ADRA1B: variants seen among roughly 807,000 people sequenced by gnomAD.
ADRA1B encodes the protein alpha-1B adrenergic receptor.
Under a neutral mutation model 17.9 loss-of-function variants are expected in ADRA1B, and 17 were observed. The observed-to-expected ratio is 0.95, with a 90% CI of 0.65 to 1.42. The LOEUF (loss-of-function observed/expected upper bound fraction) is 1.42, where lower values mean the gene tolerates loss of function less well. Among genes scored for constraint, ADRA1B ranks in the 40% most tolerant of loss-of-function variants. The pLI, the probability that ADRA1B is intolerant of heterozygous loss-of-function variation, is 0.00. For synonymous variants in ADRA1B, 366 were observed against 327.6 expected (o/e 1.12, Z -1.27); for missense variants, 681 against 722.1 (o/e 0.94, Z 0.65).
downstream of ADRA1B, among the ~76,000 whole-genome samples, chr5:159,976,020 A>G (rs1755968713): frequency 6.6e-6 from 1 of 152,244 alleles, no homozygotes; most frequent in African/African-American, 2.4e-5. Flanking sequence ...TCTGCCAGTT[A>G]GTAGCTGTGT....
At chr5:159,947,814 A>G (rs762431122) in intron 1 of ADRA1B, 9 of 985,428 alleles carry the variant, frequency 9.1e-6, no homozygotes, top group Non-Finnish European at 9.6e-6. Flanking sequence ...CGGGAGCTAC[A>G]TTGCATCACC....
At chr5:159,927,498 T>C (rs927944489) in intron 1 of ADRA1B, among the ~76,000 whole-genome samples, 1 of 152,070 alleles carries the variant, frequency 6.6e-6, no homozygotes, top group African/African-American at 2.4e-5. Flanking sequence ...ATTTCTTTAA[T>C]ATCAGATTAT....
chr5:159,899,198 G>C (rs1754068766), intron 1 of ADRA1B, among the ~76,000 whole-genome samples: 2 of 146,926 alleles, frequency 1.4e-5, no homozygotes, highest in Admixed American at 1.4e-4. Context: ...AGAAAAGAAA[G>C]AATGGAAGAA....
At chr5:159,913,493 G>A (rs1754247824), upstream of ADRA1B, among the ~76,000 whole-genome samples, 1 of 152,138 alleles carries the variant, frequency 6.6e-6, no homozygotes, top group African/African-American at 2.4e-5. Context: ...GAAACACACT[G>A]GTAAATGACA....
intron 1 of ADRA1B, among the ~76,000 whole-genome samples, chr5:159,938,419 G>A (rs1755014780): frequency 6.6e-6 from 1 of 152,194 alleles, no homozygotes; most frequent in Admixed American, 6.5e-5. Flanking sequence ...GAAGACCACT[G>A]GGGAGAGATT....
rs1755890497 is a variant in ADRA1B, at chr5:159,972,314, C to CCGGCCGCCG, written c.1394_1402dup (p.Arg465_Arg467dup). On this transcript the variant is annotated inframe_insertion, in exon 2 of 2. Coordinates refer to ENST00000306675, the MANE Select transcript of ADRA1B (RefSeq NM_000679.4). ...CTGAGCCTGCCCGCGCCTGAGCCCC[C>CCGGCCGCCG]CGGCCGCCGCGGCCGCCACGACTCG... 2 of 1,432,352 alleles carry CCGGCCGCCG rather than the reference C, an allele frequency of 1.4e-6. No homozygotes were observed. Among genetic ancestry groups the CCGGCCGCCG allele is most frequent in the Admixed American group, 2.7e-5 (1 of 36,916 alleles). 88.7% of individuals were successfully genotyped at this position (1,432,352 alleles called of 1,614,324 possible). A position where few individuals can be genotyped will look rare whatever the true frequency, so the allele number is the denominator to read the frequency against.
intron 1 of ADRA1B, among the ~76,000 whole-genome samples, chr5:159,957,960 A>G (rs1036191162): frequency 2.0e-5 from 3 of 150,398 alleles, no homozygotes; most frequent in Non-Finnish European, 3.0e-5. Context: ...AAAGAAAAGA[A>G]AAAAGAAAAG....
intron 1 of ADRA1B, among the ~76,000 whole-genome samples, chr5:159,893,682 T>A (rs1754010575): frequency 1.3e-5 from 2 of 152,212 alleles, no homozygotes; most frequent in African/African-American, 4.8e-5. Context: ...CAAGATGCTC[T>A]GTTATGCCAA....
At chr5:159,960,474 C>A (rs559373420) in intron 1 of ADRA1B, among the ~76,000 whole-genome samples, 1 of 152,306 alleles carries the variant, frequency 6.6e-6, no homozygotes, top group African/African-American at 2.4e-5. Context: ...AAGATACACA[C>A]AAAAATAGTT....
chr5:159,944,149 A>C (rs1041333508), intron 1 of ADRA1B, among the ~76,000 whole-genome samples: 10 of 152,160 alleles, frequency 6.6e-5, no homozygotes, highest in Non-Finnish European at 1.5e-4. Flanking sequence ...CCTTTCATGC[A>C]GAGTTTTTTT....
intron 1 of ADRA1B, chr5:159,937,501 A>G (rs1372373728): frequency 1.3e-5 from 2 of 150,682 alleles, no homozygotes; most frequent in African/African-American, 4.9e-5. Flanking sequence ...CTCAGGCTGG[A>G]GTGCAATGGT....
intron 1 of ADRA1B, among the ~76,000 whole-genome samples, chr5:159,935,809 A>G (rs1208286717): frequency 2.6e-5 from 4 of 152,202 alleles, no homozygotes; most frequent in African/African-American, 9.6e-5. Context: ...AGCCTCCCAC[A>G]GTGCTGGGAT....
chr5:159,952,864 C>A (rs1302508416), intron 1 of ADRA1B, among the ~76,000 whole-genome samples: 2 of 152,222 alleles, frequency 1.3e-5, no homozygotes, highest in Non-Finnish European at 2.9e-5. Flanking sequence ...ACATTCTCCA[C>A]CTTCTCTGTA....
chr5:159,956,042 A>G (rs1226555533), intron 1 of ADRA1B, among the ~76,000 whole-genome samples: 2 of 152,158 alleles, frequency 1.3e-5, no homozygotes, highest in Non-Finnish European at 2.9e-5. Flanking sequence ...CAAGGTTTTG[A>G]GACCAGCCTG....
At chr5:159,927,874 A>G (rs1754705356) in intron 1 of ADRA1B, among the ~76,000 whole-genome samples, 1 of 152,158 alleles carries the variant, frequency 6.6e-6, no homozygotes, top group African/African-American at 2.4e-5. Context: ...TGAGAGAGCA[A>G]AGCCATCATC....
intron 1 of ADRA1B, chr5:159,948,447 CA>C (rs1755335348): frequency 1.0e-6 from 1 of 985,176 alleles, no homozygotes; most frequent in Non-Finnish European, 1.2e-6. Flanking sequence ...AGAAATCAGT[CA>C]TCATGTTTTC....
chr5:159,927,997 C>T (rs1162920443), intron 1 of ADRA1B, among the ~76,000 whole-genome samples: 1 of 152,218 alleles, frequency 6.6e-6, no homozygotes, highest in South Asian at 2.1e-4. Context: ...TTACTTGCCG[C>T]GATGACATGA....
intron 1 of ADRA1B, among the ~76,000 whole-genome samples, chr5:159,923,576 A>C (rs552826642): frequency 6.6e-6 from 1 of 152,390 alleles, no homozygotes; most frequent in East Asian, 1.9e-4. Flanking sequence ...GCCTGAACAC[A>C]GCAAACAAGA....
chr5:159,899,140 C>G (rs1353002376), intron 1 of ADRA1B, among the ~76,000 whole-genome samples: 1 of 147,910 alleles, frequency 6.8e-6, no homozygotes, highest in African/African-American at 2.5e-5. Context: ...AAGTGAGACC[C>G]TGTCAGGAAG....
Sources: allele counts gnomAD v4.1 joint callset (sites outside exome capture counted in the v4.1 genomes callset), GRCh38; gene constraint gnomAD v4.1.1; transcripts MANE v1.5; gene names NCBI Gene and HGNC (gene_info 2026-07-23, HGNC 2026-07-21).